The following RGS16 variants were observed in gnomAD, a reference collection of about 807,000 sequenced individuals.
The protein encoded by RGS16 is hRGS-r.
A neutral mutation model predicts 18.1 loss-of-function variants in RGS16; 12 were observed. That is an observed-to-expected ratio of 0.66 (90% CI 0.42 to 1.07). RGS16 has a LOEUF of 1.07. Among genes scored for constraint, RGS16 ranks in the 50% least tolerant of loss-of-function variants. RGS16 has a pLI of 0.00. For synonymous variants in RGS16, 88 were observed against 102.0 expected, an observed-to-expected ratio of 0.86 and a Z score of 0.83; for missense variants, 238 against 249.2, an observed-to-expected ratio of 0.95 and a Z score of 0.30.
rs1661914469 is a variant in RGS16 at position 182,604,212 on chromosome 1, T to C, written c.44+4A>G. The C allele has an allele frequency of 6.4e-7, 1 of 1,551,726 alleles. No individual in the cohort carries two copies. Among genetic ancestry groups the C allele is most frequent in the Non-Finnish European group, 8.7e-7 (1 of 1,146,968 alleles). ...CCCCAAGCAGTTGGACAACCTCCCC[T>C]TACCTCTCCAGGCAGGTGGTGGGGA... On this transcript the variant is annotated splice_donor_region_variant and intron_variant, in intron 1 of 4. Transcript: ENST00000367558.
In RGS16 at chr1:182,600,020, G is replaced by C. The variant is rs1053513304; in HGVS notation, c.*272C>G. 4.2e-5 allele frequency: 21 copies of C among 496,136 alleles called. No individual in the cohort carries two copies. Among genetic ancestry groups the C allele is most frequent in the Middle Eastern group, 5.3e-4 (1 of 1,880 alleles). 30.7% of individuals were successfully genotyped at this position (496,136 alleles called of 1,614,324 possible). ...GTGCTAACCCCCATACCACCTTTTT[G>C]CCCCACAGAGAGCCCCACCAACCCT... On this transcript the variant is annotated 3_prime_UTR_variant, in exon 5 of 5. Coordinates refer to ENST00000367558, the MANE Select transcript of RGS16 (RefSeq NM_002928.4).
In RGS16 at chr1:182,600,811, A is replaced by T. The variant is rs563437511; in HGVS notation, c.388-298T>A. Among the ~76,000 whole-genome samples the T allele has an allele frequency of 9.5e-4, 144 of 152,168 alleles. 2 individuals are homozygous for T. The highest frequency in any genetic ancestry group is 3.4e-3 in the Middle Eastern group (1 of 294). On this transcript the variant is annotated intron_variant, in intron 4 of 4. Coordinates refer to ENST00000367558, the MANE Select transcript of RGS16 (RefSeq NM_002928.4). ...TCAAGTCACTATCAGCTCTCCTGGG[A>T]TTTGCACCAAGGCCTCCTACCTGGT...
chr1:182,600,419 G>C lies in RGS16; in HGVS notation c.482C>G (p.Thr161Ser). 6.2e-7 allele frequency: 1 copy of C among 1,614,082 alleles called. No individual in the cohort carries two copies. The highest frequency in any genetic ancestry group is 8.5e-7 in the Non-Finnish European group (1 of 1,180,010). Residue 161 changes from threonine (T) to serine (S), a missense_variant, in exon 5 of 5, where the codon ACC (threonine) becomes AGC (serine). Coordinates refer to ENST00000367558, the MANE Select transcript of RGS16 (RefSeq NM_002928.4). ...CFDAAQGKTR[T>S]LMEKDSYPRF... The stretch of plus-strand genomic sequence containing the variant: ...TGGGTAGGAGTCCTTCTCCATCAGG[G>C]TACGTGTCTTCCCCTGAGCCGCATC...
chr1:182,600,244 G>T lies in RGS16; in HGVS notation c.*48C>A. 6.4e-7 allele frequency: 1 copy of T among 1,552,428 alleles called. No individual in the cohort carries two copies. Among genetic ancestry groups the T allele is most frequent in the Non-Finnish European group, 8.8e-7 (1 of 1,131,976 alleles). On this transcript the variant is annotated 3_prime_UTR_variant, in exon 5 of 5. Transcript: ENST00000367558. ...CACAGGGGCAGCCACCTCGGGGATG[G>T]GTGACTCAACCTCTCTTCCCGGCTG...
chr1:182,601,880 G>C (rs758811086), intron 4 of RGS16, 86 bp downstream of exon 4: 1 of 1,524,280 alleles, frequency 6.6e-7, no homozygotes, highest in South Asian at 1.1e-5. Flanking sequence ...TCTACACCTA[G>C]CCCTTCCTCC....
chr1:182,604,041 C>T (rs1276089938), intron 1 of RGS16, among the ~76,000 whole-genome samples, 175 bp downstream of exon 1: 12 of 152,186 alleles, frequency 7.9e-5, no homozygotes, highest in Non-Finnish European at 1.8e-4. Context: ...GCTTCCCTTC[C>T]CCTTGCTTTC....
At position 182,600,583 on chromosome 1, in the gene RGS16, G is replaced by A. The variant is rs1661847658; in HGVS notation, c.388-70C>T. ...GGGCATGGCTGAGGGAGGGCCAACGGCAGGCTGGGCATTGGAAAGAGCATC... is the reference window on the plus strand; with the variant it reads ...GGGCATGGCTGAGGGAGGGCCAACGACAGGCTGGGCATTGGAAAGAGCATC... On this transcript the variant is annotated intron_variant, in intron 4 of 4. Transcript: ENST00000367558. 4 of 1,263,542 alleles carry A rather than the reference G, an allele frequency of 3.2e-6. No individual in the cohort carries two copies. The East Asian group carries it at 7.0e-5, about 22-fold the overall frequency. The allele number at this position is 1,263,542 out of a possible 1,614,324, so 78.3% of individuals were successfully genotyped here.
rs1361842866 is a variant in RGS16, at chr1:182,599,403, A to G, written c.*889T>C. 1 of 152,202 alleles carries G rather than the reference A, an allele frequency of 6.6e-6. No individual in the cohort carries two copies. Among genetic ancestry groups the G allele is most frequent in the Non-Finnish European group, 1.5e-5 (1 of 68,088 alleles). The allele number at this position is 152,202 out of a possible 1,614,324, so 9.4% of individuals were successfully genotyped here. On this transcript the variant is annotated 3_prime_UTR_variant, in exon 5 of 5. Coordinates refer to ENST00000367558, the MANE Select transcript of RGS16 (RefSeq NM_002928.4). ...ACACTGCGGGGCATGAGAGCTGGAA[A>G]AGCCACTCCCCGAGGCCTCCACACT...
chr1:182,603,596 G>A (rs1485511228), intron 1 of RGS16, among the ~76,000 whole-genome samples: 1 of 152,160 alleles, frequency 6.6e-6, no homozygotes, highest in East Asian at 1.9e-4. Context: ...GCATATATGG[G>A]CTTTTCCCTA....
At chr1:182,602,155 G>T (rs1437578135) in intron 3 of RGS16, 23 bp from the exon 4 acceptor site, 2 of 1,612,616 alleles carry the variant, frequency 1.2e-6, no homozygotes, top group South Asian at 2.2e-5. Flanking sequence ...GAAAGAAGAG[G>T]AAATAGGTCA....
chr1:182,600,604 G>A, intron 4 of RGS16, 91 bp from the exon 5 acceptor site: 1 of 1,013,416 alleles, frequency 9.9e-7, no homozygotes, highest in Non-Finnish European at 1.5e-6. Flanking sequence ...ATTGGAAAGA[G>A]CATCGGATGC....
Position 182,600,181 on chromosome 1 carries a change from TTGTC to T in RGS16, c.*107_*110del. ...ATTTTTTTTTTTTTTTTTTTTTTTT[TTGTC>T]CTCTTGCACTTGCTTTGCAGAACCT... On this transcript the variant is annotated 3_prime_UTR_variant, in exon 5 of 5. Transcript: ENST00000367558. 9.1e-4 allele frequency: 401 copies of T among 439,136 alleles called. No homozygotes were observed. Among genetic ancestry groups the T allele is most frequent in the South Asian group, 3.2e-3 (87 of 26,846 alleles). 27.2% of individuals were successfully genotyped at this position (439,136 alleles called of 1,614,324 possible). A position where few individuals can be genotyped will look rare whatever the true frequency, so the allele number is the denominator to read the frequency against.
chr1:182,602,188 C>T, intron 3 of RGS16, 56 bp from the exon 4 acceptor site: 2 of 1,579,322 alleles, frequency 1.3e-6, no homozygotes. Flanking sequence ...GCAGGGAATA[C>T]AAGAAGAAAG....
chr1:182,600,182 T>C lies in RGS16; in HGVS notation c.*110A>G, dbSNP rs1018592587. On this transcript the variant is annotated 3_prime_UTR_variant, in exon 5 of 5. Coordinates refer to ENST00000367558, the MANE Select transcript of RGS16 (RefSeq NM_002928.4). ...TTTTTTTTTTTTTTTTTTTTTTTTTTGTCCTCTTGCACTTGCTTTGCAGAA... is the reference window on the plus strand; with the variant it reads ...TTTTTTTTTTTTTTTTTTTTTTTTTCGTCCTCTTGCACTTGCTTTGCAGAA... The C allele has an allele frequency of 1.1e-3, 353 of 328,388 alleles. No homozygotes were observed. The highest frequency in any genetic ancestry group is 3.9e-3 in the South Asian group (66 of 16,986). 20.3% of individuals were successfully genotyped at this position (328,388 alleles called of 1,614,324 possible).
At chr1:182,604,149 G>A (rs1661912992) in intron 1 of RGS16, 67 bp downstream of exon 1, 2 of 1,528,336 alleles carry the variant, frequency 1.3e-6, no homozygotes, top group Non-Finnish European at 1.8e-6. Flanking sequence ...CAGGTCCCCA[G>A]GCCTGCCGCT....
chr1:182,602,111 G>A lies in RGS16; in HGVS notation c.242C>T (p.Ala81Val). Reference protein sequence around the residue: ...SSKNGVAAFHAFLKTEFSEEN... With the variant: ...SSKNGVAAFHVFLKTEFSEEN... ...CTCACTGAACTCTGTCTTCAGGAAA[G>A]CGTGGAAGGCAGCCACTCCATCTGG... Residue 81 changes from alanine (A) to valine (V), a missense_variant, in exon 4 of 5, where the codon GCT (alanine) becomes GTT (valine). By Grantham distance (64) the Ala-to-Val change is moderately conservative. Transcript: ENST00000367558. The A allele has an allele frequency of 6.2e-7, 1 of 1,614,156 alleles. No homozygotes were observed. The highest frequency in any genetic ancestry group is 8.5e-7 in the Non-Finnish European group (1 of 1,180,028).
At chr1:182,603,460 G>A in intron 1 of RGS16, 121 bp from the exon 2 acceptor site, 1 of 711,090 alleles carries the variant, frequency 1.4e-6, no homozygotes, top group Non-Finnish European at 2.4e-6. Context: ...AAGAGTTCCT[G>A]GAAACTCTTG....
chr1:182,600,538 G>T (rs768634171), intron 4 of RGS16, 25 bp from the exon 5 acceptor site: 2 of 1,603,936 alleles, frequency 1.2e-6, no homozygotes, highest in South Asian at 1.1e-5. Context: ...ACACACACAG[G>T]GTGAGTTGGG....
Position 182,602,504 on chromosome 1 carries a change from A to C in RGS16, c.156-20T>G. ...TTTCTACTAAAAGACAAAAAGAAAA[A>C]AAAAGAGTAAGAAAAAAAATCAACA... On this transcript the variant is annotated intron_variant, in intron 2 of 4. Transcript: ENST00000367558. 3.7e-6 allele frequency: 6 copies of C among 1,604,630 alleles called. No homozygotes were observed. Among genetic ancestry groups the C allele is most frequent in the Non-Finnish European group, 5.1e-6 (6 of 1,173,538 alleles).
Sources: allele counts gnomAD v4.1 joint callset (sites outside exome capture counted in the v4.1 genomes callset), GRCh38; gene constraint gnomAD v4.1.1; transcripts MANE v1.5; gene names NCBI Gene and HGNC (gene_info 2026-07-23, HGNC 2026-07-21).